The following C9orf43 variants were observed in gnomAD, a reference collection of about 807,000 sequenced individuals.
C9orf43 encodes the protein uncharacterized protein C9orf43.
Under a neutral mutation model 59.1 loss-of-function variants are expected in C9orf43, and 45 were observed. The observed-to-expected ratio is 0.76, with a 90% CI of 0.60 to 0.98. The LOEUF is 0.98. Among genes scored for constraint, C9orf43 ranks in the 50% least tolerant of loss-of-function variants. C9orf43 has a pLI of 0.00. For synonymous variants in C9orf43, 203 were observed against 196.8 expected, an observed-to-expected ratio of 1.03 and a Z score of -0.26; for missense variants, 533 against 554.9, an observed-to-expected ratio of 0.96 and a Z score of 0.40.
intron 1 of C9orf43, among the ~76,000 whole-genome samples, chr9:113,411,423 T>G (rs1174753917): frequency 1.3e-5 from 2 of 151,396 alleles, no homozygotes; most frequent in Non-Finnish European, 2.9e-5. Context: ...CTCAGCCTCC[T>G]TAGTAGCTGG....
chr9:113,429,609 G>T lies in C9orf43; in HGVS notation c.*223G>T. ...AATAAATGTAGGAGAAAAATCCCCA[G>T]CCTTTTTAAATTTAGATTATTTCCT... On this transcript the variant is annotated 3_prime_UTR_variant, in exon 14 of 14. Coordinates refer to ENST00000374165, the MANE Select transcript of C9orf43 (RefSeq NM_001278629.2). The T allele has an allele frequency of 2.0e-6, 1 of 491,672 alleles. No homozygotes were observed. Among genetic ancestry groups the T allele is most frequent in the South Asian group, 3.6e-5 (1 of 27,624 alleles). 30.5% of individuals were successfully genotyped at this position (491,672 alleles called of 1,614,324 possible).
intron 5 of C9orf43, among the ~76,000 whole-genome samples, chr9:113,421,946 T>C (rs932038082): frequency 1.3e-5 from 2 of 152,140 alleles, no homozygotes; most frequent in Non-Finnish European, 2.9e-5. Flanking sequence ...GTGAGCTCCA[T>C]GAGATAATTA....
chr9:113,428,358 G>A (rs1828866918), intron 12 of C9orf43, 135 bp downstream of exon 12: 1 of 907,132 alleles, frequency 1.1e-6, no homozygotes, highest in African/African-American at 1.6e-5. Context: ...TTCTTCTCCT[G>A]CTTGAGGTCA....
In C9orf43 at chr9:113,423,424, G is replaced by A; in HGVS notation, c.582G>A (p.Leu194=). ...TGCCTCCCCCAACCCCAGTGCAATT[G>A]TCTGAACAATTCAGTTCAGATTTCC... ...MIVPPPTPVQ[L]SEQFSSDFLP... Residue 194 remains leucine (L), a synonymous_variant, in exon 7 of 14, where the codon TTG becomes TTA. Transcript: ENST00000374165. The A allele has an allele frequency of 6.2e-7, 1 of 1,613,904 alleles. No homozygotes were observed. The highest frequency in any genetic ancestry group is 2.2e-5 in the East Asian group (1 of 44,888).
At chr9:113,423,750 T>C (rs1828678583) in intron 7 of C9orf43, among the ~76,000 whole-genome samples, 1 of 152,190 alleles carries the variant, frequency 6.6e-6, no homozygotes, top group Admixed American at 6.5e-5. Flanking sequence ...CACTAGGAGG[T>C]AGGCACTATC....
intron 3 of C9orf43, among the ~76,000 whole-genome samples, chr9:113,416,532 C>CTA (rs528977289): frequency 1.0e-3 from 152 of 152,288 alleles, no homozygotes; most frequent in African/African-American, 3.6e-3. Flanking sequence ...TCTGGCCTTC[C>CTA]TACTGGACCT....
Position 113,429,353 on chromosome 9 carries a change from G to C in C9orf43, c.1353G>C (p.Glu451Asp). 6.2e-7 allele frequency: 1 copy of C among 1,614,182 alleles called. No individual in the cohort carries two copies. The highest frequency in any genetic ancestry group is 8.5e-7 in the Non-Finnish European group (1 of 1,180,032). The change falls in exon 14 of 14, where the codon GAG (glutamate) becomes GAC (aspartate). Residue 451 changes from glutamate (E) to aspartate (D), a missense_variant. Coordinates refer to ENST00000374165, the MANE Select transcript of C9orf43 (RefSeq NM_001278629.2). Reference protein sequence around the residue: ...LLRILQDTDDEDEEDQSSGAE With the variant: ...LLRILQDTDDDDEEDQSSGAE Reference sequence around the variant, plus strand: ...GGATTCTTCAGGACACTGATGATGAGGATGAGGAGGACCAGTCCTCTGGGG... The same window carrying C: ...GGATTCTTCAGGACACTGATGATGACGATGAGGAGGACCAGTCCTCTGGGG...
intron 9 of C9orf43, 107 bp downstream of exon 9, chr9:113,425,183 C>A: frequency 6.9e-7 from 1 of 1,443,640 alleles, no homozygotes; most frequent in Non-Finnish European, 9.7e-7. Flanking sequence ...CACAGTCATA[C>A]AGGGTCACAT....
chr9:113,419,139 A>C lies in C9orf43; in HGVS notation c.319A>C (p.Ile107Leu), dbSNP rs113088354. 13 of 1,610,016 alleles carry C rather than the reference A, an allele frequency of 8.1e-6. No homozygotes were observed. Among genetic ancestry groups the C allele is most frequent in the Non-Finnish European group, 1.1e-5 (13 of 1,178,166 alleles). Residue 107 changes from isoleucine to leucine, a missense_variant, in exon 4 of 14, where the codon ATC becomes CTC. Ile to Leu is a conservative substitution (Grantham distance 5). Transcript: ENST00000374165. Reference sequence around the variant, plus strand: ...GAAGGGTTTACCTGACAAAAGTTTGATCAACTGTACTAACAGACTTCCCAA... The same window carrying C: ...GAAGGGTTTACCTGACAAAAGTTTGCTCAACTGTACTAACAGACTTCCCAA... Reference protein sequence around the residue: ...PPKGLPDKSLINCTNRLPKFP... With the variant: ...PPKGLPDKSLLNCTNRLPKFP...
Position 113,410,933 on chromosome 9 carries a change from C to T in C9orf43, c.-118C>T. 1 of 986,510 alleles carries T rather than the reference C, an allele frequency of 1.0e-6. No individual in the cohort carries two copies. Among genetic ancestry groups the T allele is most frequent in the African/African-American group, 1.7e-5 (1 of 57,356 alleles). 61.1% of individuals were successfully genotyped at this position (986,510 alleles called of 1,614,324 possible). A position where few individuals can be genotyped will look rare whatever the true frequency, so the allele number is the denominator to read the frequency against. On this transcript the variant is annotated 5_prime_UTR_variant, in exon 1 of 14. Transcript: ENST00000374165. The stretch of plus-strand genomic sequence containing the variant: ...TCTTTCCTGGAATGGAGTGGGCAGT[C>T]TTTTTCCATCTCTACCGAAGTTGAT...
intron 1 of C9orf43, among the ~76,000 whole-genome samples, chr9:113,411,682 A>C (rs1301277787): frequency 6.6e-6 from 1 of 150,572 alleles, no homozygotes; most frequent in African/African-American, 2.4e-5. Flanking sequence ...TTTATTTTTT[A>C]ATTTTTAAAA....
intron 3 of C9orf43, among the ~76,000 whole-genome samples, chr9:113,416,518 G>A (rs1216233024): frequency 6.6e-6 from 1 of 151,934 alleles, no homozygotes; most frequent in African/African-American, 2.4e-5. Flanking sequence ...AAGGCCCTAC[G>A]AGATCTGGCC....
At chr9:113,419,072 T>C in intron 3 of C9orf43, 36 bp from the exon 4 acceptor site, 1 of 1,552,476 alleles carries the variant, frequency 6.4e-7, no homozygotes, top group Non-Finnish European at 8.8e-7. Flanking sequence ...ATAAGTCTTT[T>C]GTATTTCTGT....
At chr9:113,416,042 T>C (rs1301069674) in intron 3 of C9orf43, among the ~76,000 whole-genome samples, 2 of 152,206 alleles carry the variant, frequency 1.3e-5, no homozygotes, top group Non-Finnish European at 2.9e-5. Flanking sequence ...AGCGCAGAGC[T>C]GTGAGAGAGC....
Position 113,419,227 on chromosome 9 carries a change from A to G in C9orf43, c.345+62A>G, listed in dbSNP as rs1828483595. On this transcript the variant is annotated intron_variant, in intron 4 of 13. Transcript: ENST00000374165. Reference sequence around the variant, plus strand: ...TTTTCTTTACTAGTGGAAATAAACTATTCTGCCTTTATTTGAAATTATTCC... The same window carrying G: ...TTTTCTTTACTAGTGGAAATAAACTGTTCTGCCTTTATTTGAAATTATTCC... 3 of 1,260,848 alleles carry G rather than the reference A, an allele frequency of 2.4e-6. No homozygotes were observed. The East Asian group carries it at 7.0e-5, about 29-fold the overall frequency. 78.1% of individuals were successfully genotyped at this position (1,260,848 alleles called of 1,614,324 possible). A position where few individuals can be genotyped will look rare whatever the true frequency, so the allele number is the denominator to read the frequency against.
At chr9:113,423,015 C>T (rs1828642127) in intron 6 of C9orf43, among the ~76,000 whole-genome samples, 1 of 152,120 alleles carries the variant, frequency 6.6e-6, no homozygotes, top group Admixed American at 6.5e-5. Flanking sequence ...TCATTTTGTT[C>T]ATTGCTGAAT....
At chr9:113,413,405 T>C (rs959178641) in intron 1 of C9orf43, 40 bp from the exon 2 acceptor site, 1 of 1,490,802 alleles carries the variant, frequency 6.7e-7, no homozygotes, top group African/African-American at 1.4e-5. Flanking sequence ...GTATGGCTAA[T>C]GTATAATACT....
chr9:113,423,326 A>G lies in C9orf43; in HGVS notation c.484A>G (p.Lys162Glu). The stretch of plus-strand genomic sequence containing the variant: ...ATTCTTTCCATTGTTTCTCTTCCAG[A>G]AAAGCAAGTCATTTCTGGGTCTCTC... ...GKKKRKNSAV[K>E]SKSFLGLSGN... is the part of the protein sequence containing the mutation. The change falls in exon 7 of 14, where the codon AAA becomes GAA. Residue 162 changes from lysine to glutamate, a missense_variant and splice_region_variant. Coordinates refer to ENST00000374165, the MANE Select transcript of C9orf43 (RefSeq NM_001278629.2). 1 of 1,613,208 alleles carries G rather than the reference A, an allele frequency of 6.2e-7. No homozygotes were observed. Among genetic ancestry groups the G allele is most frequent in the Non-Finnish European group, 8.5e-7 (1 of 1,179,274 alleles).
intron 3 of C9orf43, among the ~76,000 whole-genome samples, chr9:113,418,615 C>T (rs1362809021): frequency 6.6e-6 from 1 of 152,188 alleles, no homozygotes; most frequent in Admixed American, 6.5e-5. Flanking sequence ...TGGTCTCTCT[C>T]TCTCTCTCAA....
Sources: gnomAD v4.1 joint callset for allele counts (sites outside exome capture counted in the v4.1 genomes callset) on GRCh38, gnomAD v4.1.1 for gene constraint, MANE v1.5 for transcripts, NCBI Gene and HGNC (gene_info 2026-07-23, HGNC 2026-07-21) for gene names.